Variants in NKAIN3 observed in about 807,000 individuals in gnomAD.
The protein encoded by NKAIN3 is sodium/potassium transporting ATPase interacting 3.
In NKAIN3, 25 loss-of-function variants were observed where a neutral mutation model predicts 30.2. That is an observed-to-expected ratio of 0.83 (90% CI 0.60 to 1.16). NKAIN3 has a LOEUF of 1.16. NKAIN3 is among the 50% of genes most tolerant of loss of function. NKAIN3 has a pLI of 0.00. For missense variants in NKAIN3, 225 were observed against 254.1 expected, an observed-to-expected ratio of 0.89 and a Z score of 0.78; for synonymous variants, 91 against 89.6, an observed-to-expected ratio of 1.02 and a Z score of -0.09.
At chr8:62,386,154 A>G (rs1344358967) in intron 1 of NKAIN3, among the ~76,000 whole-genome samples, 1 of 152,162 alleles carries the variant, frequency 6.6e-6, no homozygotes, top group Non-Finnish European at 1.5e-5. Flanking sequence ...AGTCACTTGG[A>G]CAACCCCCAG....
At chr8:62,507,398 A>G (rs537907071) in intron 1 of NKAIN3, among the ~76,000 whole-genome samples, 261 of 152,296 alleles carry the variant, frequency 1.7e-3, no homozygotes, top group African/African-American at 6.0e-3. Flanking sequence ...TGAATAAGAG[A>G]ATCATTTTAT....
chr8:62,987,215 C>T (rs995707848), downstream of NKAIN3, among the ~76,000 whole-genome samples: 10 of 151,616 alleles, frequency 6.6e-5, no homozygotes, highest in Admixed American at 1.3e-4. Flanking sequence ...GACAAGACCA[C>T]GTATCTACTA....
intron 3 of NKAIN3, among the ~76,000 whole-genome samples, chr8:62,619,450 T>C (rs1811557936): frequency 6.6e-6 from 1 of 152,148 alleles, no homozygotes; most frequent in Non-Finnish European, 1.5e-5. Flanking sequence ...TTTCAACCAA[T>C]TGCCAATCAG....
chr8:62,810,489 G>A (rs1818452462), intron 4 of NKAIN3, among the ~76,000 whole-genome samples: 3 of 152,012 alleles, frequency 2.0e-5, no homozygotes, highest in African/African-American at 7.2e-5. Context: ...ATGGGCTTCA[G>A]TTTTTTCATT....
intron 3 of NKAIN3, among the ~76,000 whole-genome samples, chr8:62,618,507 C>T (rs751493473): frequency 1.3e-5 from 2 of 151,614 alleles, no homozygotes; most frequent in Admixed American, 6.6e-5. Flanking sequence ...TTCGCTCGCT[C>T]GTGGTGGACA....
intron 3 of NKAIN3, among the ~76,000 whole-genome samples, chr8:62,663,606 C>T (rs985221987): frequency 6.6e-6 from 1 of 152,170 alleles, no homozygotes; most frequent in Non-Finnish European, 1.5e-5. Flanking sequence ...ACTGACAATT[C>T]TAGGGTTGTT....
chr8:62,399,646 A>G (rs1003218376), intron 1 of NKAIN3, among the ~76,000 whole-genome samples: 5 of 152,230 alleles, frequency 3.3e-5, no homozygotes, highest in African/African-American at 9.6e-5. Context: ...TGATCTCTCA[A>G]AGGAGCTTTT....
chr8:62,951,949 G>A (rs1563642829), intron 5 of NKAIN3, among the ~76,000 whole-genome samples: 2 of 152,006 alleles, frequency 1.3e-5, no homozygotes, highest in East Asian at 1.9e-4. Flanking sequence ...AGAGGTGTGT[G>A]CCACCATGCC....
chr8:62,870,695 C>A (rs1306157986), intron 4 of NKAIN3, among the ~76,000 whole-genome samples: 45 of 53,548 alleles, frequency 8.4e-4, no homozygotes, highest in African/African-American at 1.5e-3. Flanking sequence ...ATCTCTCTAT[C>A]TATATATCTA....
chr8:62,267,787 A>T (rs1384675), intron 1 of NKAIN3, among the ~76,000 whole-genome samples: 1 of 152,116 alleles, frequency 6.6e-6, no homozygotes, highest in Admixed American at 6.5e-5. Flanking sequence ...GCTACTGAAA[A>T]TATGTCCCAT....
At chr8:62,766,910 A>G (rs1333480666) in intron 4 of NKAIN3, among the ~76,000 whole-genome samples, 1 of 95,264 alleles carries the variant, frequency 1.0e-5, no homozygotes, top group East Asian at 3.2e-4. Flanking sequence ...CCTCAGCCCC[A>G]CCCCCCGACC....
intron 1 of NKAIN3, among the ~76,000 whole-genome samples, chr8:62,577,053 G>C (rs2167498): frequency 0.53 from 81,115 of 151,838 alleles, 22,149 homozygotes; most frequent in Middle Eastern, 0.62. Context: ...ATTTTTGAAG[G>C]CTTGTTGTTT....
intron 5 of NKAIN3, among the ~76,000 whole-genome samples, chr8:62,992,576 C>T (rs62508118): frequency 0.18 from 27,685 of 151,694 alleles, 2,724 homozygotes; most frequent in East Asian, 0.38. Context: ...TGTTAGTGTT[C>T]CCTCACCCTC....
At chr8:62,601,770 T>C (rs956466677) in intron 3 of NKAIN3, among the ~76,000 whole-genome samples, 1 of 152,082 alleles carries the variant, frequency 6.6e-6, no homozygotes, top group Non-Finnish European at 1.5e-5. Context: ...GCACAATCTT[T>C]ATCCAAAGAG....
At chr8:62,764,855 T>G (rs962463006) in intron 4 of NKAIN3, among the ~76,000 whole-genome samples, 19 of 152,334 alleles carry the variant, frequency 1.2e-4, no homozygotes, top group African/African-American at 4.6e-4. Flanking sequence ...CTATTCTCAT[T>G]AATGGAATTA....
chr8:62,607,344 C>A (rs1178731691), intron 3 of NKAIN3, among the ~76,000 whole-genome samples: 1 of 152,120 alleles, frequency 6.6e-6, no homozygotes, highest in Non-Finnish European at 1.5e-5. Context: ...TGAATGCACA[C>A]CCCCTGCTGG....
At chr8:62,795,971 A>G (rs1817848630) in intron 4 of NKAIN3, among the ~76,000 whole-genome samples, 1 of 152,142 alleles carries the variant, frequency 6.6e-6, no homozygotes, top group Non-Finnish European at 1.5e-5. Context: ...CAAGCCTCAA[A>G]ACCTTTCAAA....
chr8:62,491,492 A>C (rs1018664739), intron 1 of NKAIN3, among the ~76,000 whole-genome samples: 1 of 152,192 alleles, frequency 6.6e-6, no homozygotes, highest in African/African-American at 2.4e-5. Context: ...AGACTTTGCT[A>C]TCCTTTCCTT....
At chr8:62,357,666 A>G (rs1280024636) in intron 1 of NKAIN3, among the ~76,000 whole-genome samples, 3 of 152,086 alleles carry the variant, frequency 2.0e-5, no homozygotes, top group Non-Finnish European at 4.4e-5. Context: ...CAAACTCCTA[A>G]ACATGGTCCA....
Sources: allele counts gnomAD v4.1 joint callset (sites outside exome capture counted in the v4.1 genomes callset), GRCh38; gene constraint gnomAD v4.1.1; transcripts MANE v1.5; gene names NCBI Gene and HGNC (gene_info 2026-07-23, HGNC 2026-07-21).